The following ANKAR variants were observed in gnomAD, a reference collection of about 807,000 sequenced individuals.
ANKAR encodes ankyrin and armadillo repeat containing.
ANKAR carries 136 observed loss-of-function variants against 146.2 expected under a neutral mutation model. That is an observed-to-expected ratio of 0.93 (90% CI 0.81 to 1.07). The LOEUF (loss-of-function observed/expected upper bound fraction) is 1.07. Ranked by LOEUF, ANKAR falls within the 50% of genes least tolerant of loss-of-function variation. ANKAR has a pLI of 0.00. For synonymous variants in ANKAR, 500 were observed against 575.8 expected (o/e 0.87, Z 1.88); for missense variants, 1,567 against 1,679.9 (o/e 0.93, Z 1.18).
Position 189,693,064 on chromosome 2 carries a change from C to G in ANKAR, c.1204-10C>G, listed in dbSNP as rs1287145353. 2 of 1,360,272 alleles carry G rather than the reference C, an allele frequency of 1.5e-6. No individual in the cohort carries two copies. The highest frequency in any genetic ancestry group is 2.2e-5 in the Admixed American group (1 of 44,916). 84.3% of individuals were successfully genotyped at this position (1,360,272 alleles called of 1,614,324 possible). A position where few individuals can be genotyped will look rare whatever the true frequency, so the allele number is the denominator to read the frequency against. On this transcript the variant is annotated splice_polypyrimidine_tract_variant and intron_variant, in intron 4 of 22. Coordinates refer to ENST00000684021, the MANE Select transcript of ANKAR (RefSeq NM_001378068.1). ...AGGATATGTCTTTAGTAACATAACT[C>G]ATATTTTAGAAAAATTTAGAAAAAA...
intron 9 of ANKAR, among the ~76,000 whole-genome samples, chr2:189,709,408 C>T (rs1037256141): frequency 3.9e-5 from 6 of 152,072 alleles, no homozygotes; most frequent in African/African-American, 1.4e-4. Context: ...AGAGTCCAAA[C>T]CGATTGTATA....
At chr2:189,700,653 T>C (rs971181476) in intron 7 of ANKAR, among the ~76,000 whole-genome samples, 2 of 152,234 alleles carry the variant, frequency 1.3e-5, no homozygotes, top group African/African-American at 4.8e-5. Context: ...CTTTCTATTT[T>C]GTACCCATTA....
Position 189,676,606 on chromosome 2 carries a change from A to G in ANKAR, c.116A>G (p.Asp39Gly). ...RNASAFFEKYDRSEIQELLTT... is the reference protein window; with the variant it reads ...RNASAFFEKYGRSEIQELLTT... ...GCATCTGCTTTTTTTGAAAAATATG[A>G]TCGGAGTGAAATACAAGAGTTACTA... Residue 39 changes from aspartate to glycine, a missense_variant, in exon 2 of 23, where the codon GAT becomes GGT. Coordinates refer to ENST00000684021, the MANE Select transcript of ANKAR (RefSeq NM_001378068.1). 6.2e-7 allele frequency: 1 copy of G among 1,613,794 alleles called. No individual in the cohort carries two copies. The highest frequency in any genetic ancestry group is 1.1e-5 in the South Asian group (1 of 91,084).
chr2:189,755,201 T>C (rs1190197162), intron 18 of ANKAR: 1 of 1,611,550 alleles, frequency 6.2e-7, no homozygotes, highest in African/African-American at 1.3e-5. Flanking sequence ...TGGTGCTATG[T>C]CCAAAGACTT....
intron 8 of ANKAR, among the ~76,000 whole-genome samples, chr2:189,705,538 A>G (rs2038815558): frequency 6.6e-6 from 1 of 152,162 alleles, no homozygotes. Context: ...TTGTTCCAGT[A>G]GTATGGTTCT....
intron 18 of ANKAR, among the ~76,000 whole-genome samples, chr2:189,756,112 AGAG>A (rs558946085): frequency 1.2e-3 from 176 of 152,340 alleles, no homozygotes; most frequent in African/African-American, 4.0e-3. Flanking sequence ...AAATTCTAAA[AGAG>A]AAACATGAAG....
chr2:189,706,582 T>C (rs781392123), intron 8 of ANKAR, among the ~76,000 whole-genome samples: 2 of 152,230 alleles, frequency 1.3e-5, no homozygotes, highest in African/African-American at 4.8e-5. Flanking sequence ...TTCCTGAGCC[T>C]CAGTTACATG....
chr2:189,727,179 C>G (rs1199735678), intron 12 of ANKAR, among the ~76,000 whole-genome samples: 1 of 151,666 alleles, frequency 6.6e-6, no homozygotes, highest in Admixed American at 6.6e-5. Flanking sequence ...TCACCAGTAC[C>G]AAAAATACAA....
At chr2:189,754,832 G>A (rs2045853280) in intron 18 of ANKAR, 1 of 280,336 alleles carries the variant, frequency 3.6e-6, no homozygotes, top group Admixed American at 5.1e-5. Context: ...ATGTCCTTAT[G>A]TTAATCTATA....
At chr2:189,684,217 T>C (rs2035179999) in intron 2 of ANKAR, among the ~76,000 whole-genome samples, 1 of 152,124 alleles carries the variant, frequency 6.6e-6, no homozygotes, top group African/African-American at 2.4e-5. Flanking sequence ...GTTGTTTTTT[T>C]CTCTGTTCAT....
At chr2:189,709,207 C>T (rs1377497242) in intron 9 of ANKAR, among the ~76,000 whole-genome samples, 1 of 152,140 alleles carries the variant, frequency 6.6e-6, no homozygotes, top group African/African-American at 2.4e-5. Context: ...GTATAGACAT[C>T]ATCATGTATT....
At chr2:189,736,339 G>C (rs114980472) in intron 17 of ANKAR, among the ~76,000 whole-genome samples, 19 of 152,110 alleles carry the variant, frequency 1.2e-4, no homozygotes, top group African/African-American at 4.3e-4. Context: ...GATACACAAA[G>C]CATGCCCCTT....
intron 3 of ANKAR, among the ~76,000 whole-genome samples, chr2:189,691,133 G>A (rs2036324351): frequency 6.6e-6 from 1 of 152,150 alleles, no homozygotes; most frequent in Admixed American, 6.5e-5. Context: ...TCGACTCACT[G>A]CAACCTCCAC....
At position 189,741,378 on chromosome 2, in the gene ANKAR, G is replaced by A; in HGVS notation, c.3737G>A (p.Gly1246Asp). ...GCAAGCCTGGCTCATTCTAGAGCTG[G>A]TATCCCAGAAGCATTTACCACATTA... ...LIASLAHSRA[G>D]IPEAFTTLGT... Residue 1246 changes from glycine to aspartate, a missense_variant, in exon 20 of 23, where the codon GGT becomes GAT. Coordinates refer to ENST00000684021, the MANE Select transcript of ANKAR (RefSeq NM_001378068.1). 1.2e-6 allele frequency: 2 copies of A among 1,609,236 alleles called. No homozygotes were observed. Among genetic ancestry groups the A allele is most frequent in the Non-Finnish European group, 1.7e-6 (2 of 1,177,634 alleles).
chr2:189,744,352 A>C (rs2043760572), intron 21 of ANKAR, among the ~76,000 whole-genome samples: 2 of 152,222 alleles, frequency 1.3e-5, no homozygotes, highest in South Asian at 4.1e-4. Flanking sequence ...TCATTGGTTC[A>C]AGGAATTAAG....
chr2:189,738,827 T>C, intron 19 of ANKAR, 145 bp downstream of exon 19: 1 of 532,202 alleles, frequency 1.9e-6, no homozygotes. Context: ...TACATGGAAC[T>C]CCACAGCAAG....
intron 22 of ANKAR, among the ~76,000 whole-genome samples, chr2:189,745,027 C>CTAATAATACTAATAA (rs2043921831): frequency 2.3e-5 from 3 of 131,118 alleles, no homozygotes. Context: ...ACTACTACTA[C>CTAATAATACTAATAA]TAATAATACA....
intron 17 of ANKAR, among the ~76,000 whole-genome samples, chr2:189,737,305 T>C (rs1048902703): frequency 6.6e-6 from 1 of 152,104 alleles, no homozygotes; most frequent in Non-Finnish European, 1.5e-5. Context: ...GAAACTAGCT[T>C]TTGCTGTTTG....
rs770712671 is a variant in ANKAR, at chr2:189,737,725, T to C, written c.3466T>C (p.Phe1156Leu). 7 of 1,599,536 alleles carry C rather than the reference T, an allele frequency of 4.4e-6. No individual in the cohort carries two copies. The Admixed American group carries it at 1.2e-4, about 28-fold the overall frequency. The change falls in exon 18 of 23, where the codon TTC (phenylalanine) becomes CTC (leucine). Residue 1156 changes from phenylalanine (F) to leucine (L), a missense_variant. Physicochemically the swap from Phe to Leu is conservative, Grantham distance 22. Coordinates refer to ENST00000684021, the MANE Select transcript of ANKAR (RefSeq NM_001378068.1). ...AGGCTATGCATTAACACTTTTTGCC[T>C]TCAATAATCGCTTTCAACAATACTT... ...RAGYALTLFA[F>L]NNRFQQYLIL...
Sources: gnomAD v4.1 joint callset for allele counts (sites outside exome capture counted in the v4.1 genomes callset) on GRCh38, gnomAD v4.1.1 for gene constraint, MANE v1.5 for transcripts, NCBI Gene and HGNC (gene_info 2026-07-23, HGNC 2026-07-21) for gene names.